The following GPC6 variants were observed in gnomAD, a reference collection of about 807,000 sequenced individuals.
The protein encoded by GPC6 is glypican-6.
Under a neutral mutation model 55.2 loss-of-function variants are expected in GPC6, and 14 were observed. The ratio of observed to expected loss-of-function variants is 0.25; its 90% CI spans 0.17 to 0.40. The LOEUF is 0.40. GPC6 is among the 10% of genes least tolerant of loss of function. GPC6 has a pLI of 1.00. For missense variants in GPC6, 641 were observed against 708.5 expected (o/e 0.90, Z 1.08); for synonymous variants, 278 against 259.6 (o/e 1.07, Z -0.68).
rs763498314 is a variant in GPC6 at position 94,286,357 on chromosome 13, C to A, written c.886C>A (p.Leu296Ile). The part of the protein sequence containing the change: ...TEWNLFIDAM[L>I]LVAERLEGPF... ...TTCCTGTATTTTAACAGATGCAATG[C>A]TCTTGGTGGCAGAGCGACTGGAGGG... Residue 296 changes from leucine to isoleucine, a missense_variant, in exon 5 of 9, where the codon CTC becomes ATC. Physicochemically the swap from Leu to Ile is conservative, Grantham distance 5. Coordinates refer to ENST00000377047, the MANE Select transcript of GPC6 (RefSeq NM_005708.5). 3 of 1,613,738 alleles carry A rather than the reference C, an allele frequency of 1.9e-6. No individual in the cohort carries two copies. The Admixed American group carries it at 5.0e-5, about 27-fold the overall frequency.
intron 2 of GPC6, among the ~76,000 whole-genome samples, chr13:93,600,213 A>G (rs987027965): frequency 3.9e-5 from 6 of 152,234 alleles, no homozygotes; most frequent in African/African-American, 1.4e-4. Flanking sequence ...GAAGAAATAA[A>G]ATACAGTTAC....
chr13:94,150,488 C>T (rs1480946095), intron 4 of GPC6, among the ~76,000 whole-genome samples: 2 of 152,086 alleles, frequency 1.3e-5, no homozygotes, highest in Non-Finnish European at 2.9e-5. Flanking sequence ...TTTCTCACCT[C>T]AACCTACCTC....
intron 2 of GPC6, among the ~76,000 whole-genome samples, chr13:93,719,618 A>G (rs953020932): frequency 6.6e-6 from 1 of 152,030 alleles, no homozygotes; most frequent in Admixed American, 6.6e-5. Flanking sequence ...TTCTAATACT[A>G]TGTTGAATAG....
chr13:94,215,136 G>T (rs564080260), intron 4 of GPC6, among the ~76,000 whole-genome samples: 1 of 152,294 alleles, frequency 6.6e-6, no homozygotes, highest in East Asian at 1.9e-4. Context: ...CTGTATTGTT[G>T]AAAAGTTTTC....
intron 6 of GPC6, among the ~76,000 whole-genome samples, chr13:94,352,633 T>G (rs1878608458): frequency 6.6e-6 from 1 of 152,132 alleles, no homozygotes; most frequent in Non-Finnish European, 1.5e-5. Flanking sequence ...GGCCTTAGGG[T>G]GGTAACTTTG....
At chr13:93,271,249 A>C (rs1391838415) in intron 1 of GPC6, among the ~76,000 whole-genome samples, 1 of 152,072 alleles carries the variant, frequency 6.6e-6, no homozygotes, top group African/African-American at 2.4e-5. Context: ...CTATCTCTTG[A>C]CCTTTATCTT....
chr13:93,519,713 C>A lies in GPC6; in HGVS notation c.161-25550C>A, dbSNP rs140730629. Reference sequence around the variant, plus strand: ...CTCCCCTCTTAGAGAAACAGGTAACCATTCAATAGAGCCTAAATAGATGAG... The same window carrying A: ...CTCCCCTCTTAGAGAAACAGGTAACAATTCAATAGAGCCTAAATAGATGAG... On this transcript the variant is annotated intron_variant, in intron 1 of 8. Coordinates refer to ENST00000377047, the MANE Select transcript of GPC6 (RefSeq NM_005708.5). 3.0e-3 allele frequency among the ~76,000 whole-genome samples: 457 copies of A among 152,052 alleles called. 1 individual carries two copies. Among genetic ancestry groups the A allele is most frequent in the African/African-American group, 0.011 (440 of 41,518 alleles).
In GPC6 at chr13:93,724,090, A is replaced by AT. The variant is rs769821336; in HGVS notation, c.320-106054dup. Among the ~76,000 whole-genome samples the AT allele has an allele frequency of 6.1e-3, 904 of 148,788 alleles. 2 individuals are homozygous for AT. Among genetic ancestry groups the AT allele is most frequent in the African/African-American group, 0.011 (453 of 40,708 alleles). Reference sequence around the variant, plus strand: ...GAGATGCTAAGCTTGTTTAATGGCTATTTTTTTTTTACTACAAGTAAATAA... The same window carrying AT: ...GAGATGCTAAGCTTGTTTAATGGCTATTTTTTTTTTTACTACAAGTAAATAA... On this transcript the variant is annotated intron_variant, in intron 2 of 8. Coordinates refer to ENST00000377047, the MANE Select transcript of GPC6 (RefSeq NM_005708.5).
chr13:94,254,358 G>A (rs1248225140), intron 4 of GPC6, among the ~76,000 whole-genome samples: 1 of 152,048 alleles, frequency 6.6e-6, no homozygotes, highest in East Asian at 1.9e-4. Flanking sequence ...TTGAGATTTT[G>A]TTTGCCTCTA....
At chr13:94,353,122 C>T (rs558672098) in intron 6 of GPC6, among the ~76,000 whole-genome samples, 8 of 152,042 alleles carry the variant, frequency 5.3e-5, no homozygotes, top group East Asian at 1.9e-4. Flanking sequence ...GAAGTAGATA[C>T]GACTTACAAG....
intron 2 of GPC6, among the ~76,000 whole-genome samples, chr13:93,568,382 C>T (rs781113220): frequency 6.6e-5 from 10 of 152,304 alleles, no homozygotes; most frequent in Middle Eastern, 3.4e-3. Flanking sequence ...GAGCAGAGTA[C>T]ATGCCCAACA....
intron 2 of GPC6, among the ~76,000 whole-genome samples, chr13:93,777,464 G>T (rs1235062654): frequency 1.3e-5 from 2 of 152,048 alleles, no homozygotes; most frequent in Admixed American, 1.3e-4. Flanking sequence ...TGCCAATGAG[G>T]TTTTTATTGT....
intron 2 of GPC6, among the ~76,000 whole-genome samples, chr13:93,627,227 C>T (rs1222445219): frequency 1.2e-4 from 18 of 151,842 alleles, no homozygotes; most frequent in Non-Finnish European, 1.5e-4. Context: ...TTGTTCAGCT[C>T]CCACTTATGA....
chr13:94,132,397 A>T (rs1452564695), intron 4 of GPC6, among the ~76,000 whole-genome samples: 26 of 152,142 alleles, frequency 1.7e-4, no homozygotes, highest in Admixed American at 1.7e-3. Context: ...GAATGTATGC[A>T]AGTCTTGAAA....
chr13:93,469,517 A>T (rs1879034430), intron 1 of GPC6, among the ~76,000 whole-genome samples: 1 of 152,102 alleles, frequency 6.6e-6, no homozygotes, highest in Admixed American at 6.5e-5. Flanking sequence ...ACTATGGATT[A>T]TGCATTTGGT....
intron 1 of GPC6, among the ~76,000 whole-genome samples, chr13:93,271,999 G>A (rs1402335381): frequency 6.6e-6 from 1 of 152,004 alleles, no homozygotes; most frequent in Admixed American, 6.6e-5. Context: ...TATAGATTCT[G>A]GAGTCAAGTT....
At position 94,184,316 on chromosome 13, in the gene GPC6, A is replaced by G. The variant is rs1594033324; in HGVS notation, c.878-102033A>G. ...CCATAGAGCTTTTGCACAGCAAAAAACAAAGAAAAAAAAAACCTACTAGAG... is the reference window on the plus strand; with the variant it reads ...CCATAGAGCTTTTGCACAGCAAAAAGCAAAGAAAAAAAAAACCTACTAGAG... On this transcript the variant is annotated intron_variant, in intron 4 of 8. Transcript: ENST00000377047. Among the ~76,000 whole-genome samples the G allele has an allele frequency of 3.9e-5, 6 of 152,088 alleles. No homozygotes were observed. In the South Asian group the frequency reaches 1.0e-3, roughly 26 times the overall value.
chr13:93,504,109 C>T (rs1442605673), intron 1 of GPC6, among the ~76,000 whole-genome samples: 3 of 152,100 alleles, frequency 2.0e-5, no homozygotes, highest in Admixed American at 6.5e-5. Context: ...AAGGTACTGG[C>T]GGGTTTTGAG....
At chr13:94,068,917 A>G (rs1884630984) in intron 4 of GPC6, among the ~76,000 whole-genome samples, 1 of 152,172 alleles carries the variant, frequency 6.6e-6, no homozygotes, top group African/African-American at 2.4e-5. Flanking sequence ...TTCCAGGTGC[A>G]CAGTGCAAGC....
Sources: gnomAD v4.1 joint callset for allele counts (sites outside exome capture counted in the v4.1 genomes callset) on GRCh38, gnomAD v4.1.1 for gene constraint, MANE v1.5 for transcripts, NCBI Gene and HGNC (gene_info 2026-07-23, HGNC 2026-07-21) for gene names.